Variants in AGRN observed in about 807,000 individuals in gnomAD.
AGRN encodes the protein agrin.
In AGRN, 106 loss-of-function variants were observed where a neutral mutation model predicts 211.0. The observed-to-expected ratio is 0.50, with a 90% CI of 0.43 to 0.59. The LOEUF (loss-of-function observed/expected upper bound fraction) is 0.59, where lower values mean the gene tolerates loss of function less well. Among genes scored for constraint, AGRN ranks in the 20% least tolerant of loss-of-function variants. AGRN has a pLI of 0.00. For missense variants in AGRN, 3,040 were observed against 2,982.6 expected, an observed-to-expected ratio of 1.02 and a Z score of -0.45; for synonymous variants, 1,525 against 1,332.5, an observed-to-expected ratio of 1.14 and a Z score of -3.15.
intron 3 of AGRN, among the ~76,000 whole-genome samples, chr1:1,036,014 G>T (rs934052191): frequency 2.0e-5 from 3 of 152,144 alleles, no homozygotes; most frequent in African/African-American, 7.2e-5. Flanking sequence ...CGGGGGGACC[G>T]GTGGCTCCCT....
In AGRN at chr1:1,053,860, C is replaced by T; in HGVS notation, c.5759C>T (p.Ala1920Val). 6.2e-7 allele frequency: 1 copy of T among 1,610,490 alleles called. No homozygotes were observed. Among genetic ancestry groups the T allele is most frequent in the Non-Finnish European group, 8.5e-7 (1 of 1,179,106 alleles). Reference protein sequence around the residue: ...GKATERADYVALAIVDGHLQL... With the variant: ...GKATERADYVVLAIVDGHLQL... ...GCCACGGAGCGGGCAGACTATGTGG[C>T]ACTGGCCATTGTGGACGGGCACCTG... Residue 1920 changes from alanine (A) to valine (V), a missense_variant, in exon 34 of 36, where the codon GCA (alanine) becomes GTA (valine). Physicochemically the swap from Ala to Val is moderately conservative, Grantham distance 64 (BLOSUM62 0). Coordinates refer to ENST00000379370, the MANE Select transcript of AGRN (RefSeq NM_198576.4).
chr1:1,022,116 AC>A lies in AGRN; in HGVS notation c.202-84del, dbSNP rs1644418858. On this transcript the variant is annotated intron_variant, in intron 1 of 35. Coordinates refer to ENST00000379370, the MANE Select transcript of AGRN (RefSeq NM_198576.4). Reference sequence around the variant, plus strand: ...TGCCCAGGGCTTGAGTCTACTGTGGACATTTGCCCTAAACACCTAAAGCCCC... The same window carrying A: ...TGCCCAGGGCTTGAGTCTACTGTGGAATTTGCCCTAAACACCTAAAGCCCC... 2.0e-6 allele frequency: 3 copies of A among 1,538,084 alleles called. No individual in the cohort carries two copies. In the African/African-American group the frequency reaches 4.1e-5, roughly 21 times the overall value.
chr1:1,035,269 TC>T lies in AGRN; in HGVS notation c.464-7del. The T allele has an allele frequency of 6.2e-7, 1 of 1,612,988 alleles. No individual in the cohort carries two copies. The highest frequency in any genetic ancestry group is 8.5e-7 in the Non-Finnish European group (1 of 1,179,970). On this transcript the variant is annotated splice_polypyrimidine_tract_variant and splice_region_variant and intron_variant, in intron 2 of 35. Transcript: ENST00000379370. ...AGGAGCCTAACTTGGGGATTTGTTT[TC>T]TTCCAGATAAACCCGGGACCCACTT...
intron 3 of AGRN, among the ~76,000 whole-genome samples, chr1:1,037,206 C>T (rs1432231710): frequency 6.6e-6 from 1 of 152,222 alleles, no homozygotes; most frequent in Non-Finnish European, 1.5e-5. Flanking sequence ...CACCTGTGAG[C>T]CAGAGGCCTG....
intron 33 of AGRN, 60 bp downstream of exon 33, chr1:1,051,875 G>T (rs1557723134): frequency 6.2e-7 from 1 of 1,600,700 alleles, no homozygotes; most frequent in East Asian, 2.3e-5. Context: ...CGGGACACCG[G>T]ACCCCCACAC....
chr1:1,025,029 G>C (rs4970392), intron 2 of AGRN, among the ~76,000 whole-genome samples: 67,806 of 151,992 alleles, frequency 0.45, 18,674 homozygotes, highest in East Asian at 0.78. Context: ...TGCCCTCCCA[G>C]CCCACCTCAC....
chr1:1,034,016 G>C (rs1346064593), intron 2 of AGRN: 1 of 642,614 alleles, frequency 1.6e-6, no homozygotes, highest in East Asian at 1.4e-4. Flanking sequence ...GCCCCGCGGG[G>C]ACGAGGGGAG....
In AGRN at chr1:1,044,354, C is replaced by A; in HGVS notation, c.2169C>A (p.Val723=). Residue 723 remains valine (V), a synonymous_variant, in exon 12 of 36, where the codon GTC becomes GTA. Coordinates refer to ENST00000379370, the MANE Select transcript of AGRN (RefSeq NM_198576.4). ...TCCAGGTGTGCGGCTCAGATGGGGT[C>A]ACCTACAGCACCGAGTGTGAGCTGA... ...PGSPVCGSDG[V]TYSTECELKK... is the part of the protein sequence containing the mutation. 6.2e-7 allele frequency: 1 copy of A among 1,612,750 alleles called. No homozygotes were observed.
In AGRN at chr1:1,022,241, C is replaced by T; in HGVS notation, c.242C>T (p.Ala81Val). Residue 81 changes from alanine to valine, a missense_variant, in exon 2 of 36, where the codon GCC (alanine) becomes GTC (valine). Around this residue, in one of 3 missense-constraint regions of AGRN, gnomAD observed 1,498 missense variants for 1,457.8 expected, o/e 1.03. Coordinates refer to ENST00000379370, the MANE Select transcript of AGRN (RefSeq NM_198576.4). Reference protein sequence around the residue: ...WRYLKGKDLVARESLLDGGNK... With the variant: ...WRYLKGKDLVVRESLLDGGNK... ...TACTTGAAGGGCAAAGACCTGGTGG[C>T]CCGGGAGAGCCTGCTGGACGGCGGC... 2 of 1,613,146 alleles carry T rather than the reference C, an allele frequency of 1.2e-6. No individual in the cohort carries two copies. The highest frequency in any genetic ancestry group is 1.1e-5 in the South Asian group (1 of 91,088).
In AGRN at chr1:1,051,263, C is replaced by T. The variant is rs1378784269; in HGVS notation, c.5264C>T (p.Thr1755Ile). 4.4e-6 allele frequency: 7 copies of T among 1,581,064 alleles called. No individual in the cohort carries two copies. The highest frequency in any genetic ancestry group is 4.6e-5 in the East Asian group (2 of 43,278). Residue 1755 changes from threonine (T) to isoleucine (I), a missense_variant, in exon 31 of 36, where the codon ACC (threonine) becomes ATC (isoleucine). Thr to Ile is a moderately conservative substitution (Grantham distance 89, BLOSUM62 -1). Coordinates refer to ENST00000379370, the MANE Select transcript of AGRN (RefSeq NM_198576.4). ...RVLGESPVPHTVLNLKEPLYV... is the reference protein window; with the variant it reads ...RVLGESPVPHIVLNLKEPLYV... ...CTGGCGTCCCCGCAGGTTCCGCACA[C>T]CGTCCTCAACCTGAAGGAGCCGCTC...
At chr1:1,027,362 C>T (rs1390401669) in intron 2 of AGRN, among the ~76,000 whole-genome samples, 4 of 152,216 alleles carry the variant, frequency 2.6e-5, no homozygotes, top group African/African-American at 7.2e-5. Flanking sequence ...CACCCTATGT[C>T]CCTGGGTTCA....
In AGRN at chr1:1,053,961, C is replaced by T; in HGVS notation, c.5860C>T (p.Arg1954Trp). 1 of 1,600,830 alleles carries T rather than the reference C, an allele frequency of 6.2e-7. No individual in the cohort carries two copies. The highest frequency in any genetic ancestry group is 8.5e-7 in the Non-Finnish European group (1 of 1,174,590). Reference sequence around the variant, plus strand: ...GCCCGTCAACACCAACCGCTGGTTGCGGGTCGTGGCACATAGGTGAGTAGG... The same window carrying T: ...GCCCGTCAACACCAACCGCTGGTTGTGGGTCGTGGCACATAGGTGAGTAGG... ...TVPVNTNRWLRVVAHREQREG... is the reference protein window; with the variant it reads ...TVPVNTNRWLWVVAHREQREG... Residue 1954 changes from arginine (R) to tryptophan (W), a missense_variant, in exon 34 of 36, where the codon CGG becomes TGG. Physicochemically the swap from Arg to Trp is moderately radical, Grantham distance 101. This residue lies in a region of AGRN where 1,537 missense variants were observed against 1,505.0 expected (regional missense o/e 1.02). Coordinates refer to ENST00000379370, the MANE Select transcript of AGRN (RefSeq NM_198576.4).
chr1:1,053,308 C>A, intron 33 of AGRN: 1 of 574,626 alleles, frequency 1.7e-6, no homozygotes, highest in Non-Finnish European at 2.6e-6. Context: ...TGTAGGTGTC[C>A]CTGCTGGGCT....
chr1:1,045,258 G>A lies in AGRN; in HGVS notation c.2352G>A (p.Val784=). Residue 784 remains valine, a synonymous_variant, in exon 13 of 36, where the codon GTG becomes GTA. Transcript: ENST00000379370. ...ACAATATCACCGCAGCCCGGGGCGT[G>A]GGCCTGGCTGGCTGCCCCAGTGAGT... The part of the protein sequence containing the change: ...CQDNITAARG[V]GLAGCPSACQ... The A allele has an allele frequency of 1.2e-6, 2 of 1,611,588 alleles. No homozygotes were observed. The highest frequency in any genetic ancestry group is 1.7e-6 in the Non-Finnish European group (2 of 1,179,454).
chr1:1,021,697 C>T (rs948182192), intron 1 of AGRN, among the ~76,000 whole-genome samples: 4 of 152,234 alleles, frequency 2.6e-5, no homozygotes, highest in Non-Finnish European at 2.9e-5. Context: ...AACTTGATTT[C>T]GTGGTTCACA....
rs1330429906 is a variant in AGRN at position 1,048,546 on chromosome 1, G to A, written c.4105+181G>A. The A allele has an allele frequency of 2.4e-5, 15 of 615,514 alleles. No homozygotes were observed. The highest frequency in any genetic ancestry group is 2.1e-4 in the South Asian group (9 of 42,850). 38.1% of individuals were successfully genotyped at this position (615,514 alleles called of 1,614,324 possible). ...AGCACTTTGGGAGGCCGAGGCAGGCGGATCACCTGAGGTCGGGAGTTCGAG... is the reference window on the plus strand; with the variant it reads ...AGCACTTTGGGAGGCCGAGGCAGGCAGATCACCTGAGGTCGGGAGTTCGAG... On this transcript the variant is annotated intron_variant, in intron 23 of 35. Coordinates refer to ENST00000379370, the MANE Select transcript of AGRN (RefSeq NM_198576.4). The surrounding 1 kb of genome is among the most constrained non-coding windows in gnomAD (Gnocchi z 5.9).
In AGRN at chr1:1,050,856, G is replaced by C. The variant is rs369428707; in HGVS notation, c.5253+19G>C. 4 of 1,539,802 alleles carry C rather than the reference G, an allele frequency of 2.6e-6. No homozygotes were observed. In the African/African-American group the frequency reaches 4.1e-5, roughly 16 times the overall value. The stretch of plus-strand genomic sequence containing the variant: ...GTCCCCGGTGAGTGCTCTGGGCCGC[G>C]AGGGGACTCCCGCTGCTGCCTGCTC... On this transcript the variant is annotated intron_variant, in intron 30 of 35. Coordinates refer to ENST00000379370, the MANE Select transcript of AGRN (RefSeq NM_198576.4).
At chr1:1,030,143 A>G (rs4970404) in intron 2 of AGRN, among the ~76,000 whole-genome samples, 1,381 of 7,842 alleles carry the variant, frequency 0.18, 223 homozygotes, top group East Asian at 0.43. Context: ...TGAGATCAGC[A>G]TGTGTGTGTG....
chr1:1,039,291 T>C (rs2100623120), intron 3 of AGRN, among the ~76,000 whole-genome samples: 1 of 151,436 alleles, frequency 6.6e-6, no homozygotes, highest in Middle Eastern at 3.4e-3. Flanking sequence ...CGGATGGCCC[T>C]CACTCAGCCT....
Sources: gnomAD v4.1 joint callset for allele counts (sites outside exome capture counted in the v4.1 genomes callset) on GRCh38, gnomAD v4.1.1 for gene constraint, gnomAD v4.1.1 regional missense constraint, Gnocchi (gnomAD v3.1) non-coding constraint, MANE v1.5 for transcripts, NCBI Gene and HGNC (gene_info 2026-07-23, HGNC 2026-07-21) for gene names.